The following CASP8 variants were observed in gnomAD, a reference collection of about 807,000 sequenced individuals.
CASP8 encodes caspase 8, also known as caspase-8.
A neutral mutation model predicts 46.3 loss-of-function variants in CASP8; 24 were observed. The ratio of observed to expected loss-of-function variants is 0.52; its 90% CI spans 0.38 to 0.73. CASP8 has a LOEUF of 0.73. Ranked by LOEUF, CASP8 falls within the 30% of genes least tolerant of loss-of-function variation. The probability of loss-of-function intolerance (pLI) is 0.00; values close to 1 mark genes in which losing one functional copy is unlikely to be tolerated. For missense variants in CASP8, 460 were observed against 559.0 expected (o/e 0.82, Z 1.79); for synonymous variants, 188 against 200.4 (o/e 0.94, Z 0.52).
rs372378810 is a variant in CASP8 at position 201,269,526 on chromosome 2, A to G, written c.306-1990A>G. The G allele has an allele frequency of 6.2e-6, 10 of 1,613,308 alleles. No individual in the cohort carries two copies. The highest frequency in any genetic ancestry group is 3.3e-5 in the Admixed American group (2 of 59,966). ...CCTTTGAAGGTTCCACTTCTGCCGCATGAGCTGGGCTGAAGCAAACAGCCA... is the reference window on the plus strand; with the variant it reads ...CCTTTGAAGGTTCCACTTCTGCCGCGTGAGCTGGGCTGAAGCAAACAGCCA... On this transcript the variant is annotated intron_variant, in intron 2 of 8. Transcript: ENST00000673742.
chr2:201,267,858 C>T (rs1356173255), intron 2 of CASP8, among the ~76,000 whole-genome samples: 1 of 152,166 alleles, frequency 6.6e-6, no homozygotes, highest in Non-Finnish European at 1.5e-5. Context: ...GATGGCTCAG[C>T]CCATGAATGC....
At chr2:201,247,393 G>A (rs187870950) in intron 2 of CASP8, among the ~76,000 whole-genome samples, 53 of 151,944 alleles carry the variant, frequency 3.5e-4, no homozygotes, top group Admixed American at 2.6e-4. Flanking sequence ...CCATGCTGAA[G>A]GCGCCTTCCT....
chr2:201,273,057 TC>T (rs367576379), intron 5 of CASP8, 115 bp downstream of exon 5: 49 of 786,652 alleles, frequency 6.2e-5, no homozygotes, highest in South Asian at 2.0e-4. Context: ...CTCTACTTTT[TC>T]TTTTTTTTTT....
At position 201,260,590 on chromosome 2, in the gene CASP8, A is replaced by C; in HGVS notation, c.-50A>C. On this transcript the variant is annotated 5_prime_UTR_variant, in exon 1 of 9. Transcript: ENST00000673742. ...ATGGTAGTGGATAGGCCTGTGACGAAGGTGCTACCATCGTGAGAGTAAGGT... is the reference window on the plus strand; with the variant it reads ...ATGGTAGTGGATAGGCCTGTGACGACGGTGCTACCATCGTGAGAGTAAGGT... The C allele has an allele frequency of 3.1e-6, 3 of 983,020 alleles. No homozygotes were observed. The highest frequency in any genetic ancestry group is 3.6e-6 in the Non-Finnish European group (3 of 827,702). The allele number at this position is 983,020 out of a possible 1,614,324, so 60.9% of individuals were successfully genotyped here. A position where few individuals can be genotyped will look rare whatever the true frequency, so the allele number is the denominator to read the frequency against.
At chr2:201,245,116 T>C (rs955603299) in intron 2 of CASP8, among the ~76,000 whole-genome samples, 2 of 152,218 alleles carry the variant, frequency 1.3e-5, no homozygotes, top group African/African-American at 2.4e-5. Context: ...CTTGGGCCCA[T>C]TGATGTGTGG....
Position 201,269,538 on chromosome 2 carries a change from G to T in CASP8, c.306-1978G>T, listed in dbSNP as rs758051022. 2.1e-5 allele frequency: 34 copies of T among 1,613,580 alleles called. No individual in the cohort carries two copies. Among genetic ancestry groups the T allele is most frequent in the South Asian group, 4.4e-5 (4 of 90,954 alleles). On this transcript the variant is annotated intron_variant, in intron 2 of 8. Coordinates refer to ENST00000673742, the MANE Select transcript of CASP8 (RefSeq NM_001372051.1). ...CCACTTCTGCCGCATGAGCTGGGCT[G>T]AAGCAAACAGCCAGTGCCAGACACA...
At chr2:201,259,077 TA>T (rs1213364333), upstream of CASP8, among the ~76,000 whole-genome samples, 1 of 152,238 alleles carries the variant, frequency 6.6e-6, no homozygotes, top group African/African-American at 2.4e-5. Context: ...TTGAAGGAGA[TA>T]ATACGCATAC....
intron 7 of CASP8, among the ~76,000 whole-genome samples, chr2:201,279,719 G>A (rs138625304): frequency 0.011 from 1,649 of 152,320 alleles, 13 homozygotes; most frequent in Non-Finnish European, 0.016. Flanking sequence ...TTGGGAGGCC[G>A]AGGCAGGCGA....
chr2:201,272,329 T>C lies in CASP8; in HGVS notation c.412-309T>C, dbSNP rs2125245418. Among the ~76,000 whole-genome samples, 1 of 152,264 alleles carries C rather than the reference T, an allele frequency of 6.6e-6. No individual in the cohort carries two copies. The highest frequency in any genetic ancestry group is 2.4e-5 in the African/African-American group (1 of 41,556). On this transcript the variant is annotated intron_variant, in intron 3 of 8. Coordinates refer to ENST00000673742, the MANE Select transcript of CASP8 (RefSeq NM_001372051.1). The surrounding 1 kb of genome is among the most constrained non-coding windows in gnomAD (Gnocchi z 4.4). ...CAGGGTGTCACCATGATGACCGGGCTGCTGTCTCAGGTTGTTTCACAGTCC... is the reference window on the plus strand; with the variant it reads ...CAGGGTGTCACCATGATGACCGGGCCGCTGTCTCAGGTTGTTTCACAGTCC...
At chr2:201,277,961 A>C (rs1252279953) in intron 7 of CASP8, 1 of 200,972 alleles carries the variant, frequency 5.0e-6, no homozygotes, top group Non-Finnish European at 1.0e-5. Context: ...TCGGCCTCCC[A>C]AAGTGCTGGA....
At chr2:201,243,767 A>G (rs1180015504) in intron 2 of CASP8, among the ~76,000 whole-genome samples, 2 of 152,190 alleles carry the variant, frequency 1.3e-5, no homozygotes, top group African/African-American at 4.8e-5. Flanking sequence ...TTGATAAGTT[A>G]GTTTAATACG....
chr2:201,277,131 A>C, intron 7 of CASP8, 163 bp downstream of exon 7: 1 of 558,768 alleles, frequency 1.8e-6, no homozygotes. Context: ...TACATTTATC[A>C]GTTTCCTGCT....
chr2:201,239,157 A>G (rs1946186170), intron 2 of CASP8, among the ~76,000 whole-genome samples: 1 of 152,130 alleles, frequency 6.6e-6, no homozygotes, highest in East Asian at 1.9e-4. Context: ...AAAGTCTCCC[A>G]TGTCTACCTC....
rs1409457801 is a variant in CASP8, at chr2:201,260,537, G to A, written c.-103G>A. Reference sequence around the variant, plus strand: ...GGCTGTGCCCTTCCGTCCTTCATTAGACGTTTGCTCTTGTCTTAGATGCTC... The same window carrying A: ...GGCTGTGCCCTTCCGTCCTTCATTAAACGTTTGCTCTTGTCTTAGATGCTC... On this transcript the variant is annotated 5_prime_UTR_variant, in exon 1 of 9. Transcript: ENST00000673742. The A allele has an allele frequency of 1.0e-6, 1 of 985,472 alleles. No homozygotes were observed. 61.0% of individuals were successfully genotyped at this position (985,472 alleles called of 1,614,324 possible).
chr2:201,274,511 G>C (rs1309378007), intron 5 of CASP8, among the ~76,000 whole-genome samples: 1 of 152,168 alleles, frequency 6.6e-6, no homozygotes, highest in Non-Finnish European at 1.5e-5. Context: ...GTCTCACTCT[G>C]TTGCCCAGGC....
At chr2:201,269,646 A>G in intron 2 of CASP8, 1 of 1,437,960 alleles carries the variant, frequency 7.0e-7, no homozygotes, top group Non-Finnish European at 9.7e-7. Context: ...TGGCTTAGAG[A>G]TAAAAGGGTC....
At chr2:201,244,189 T>G (rs975569321) in intron 2 of CASP8, among the ~76,000 whole-genome samples, 1 of 152,222 alleles carries the variant, frequency 6.6e-6, no homozygotes, top group Non-Finnish European at 1.5e-5. Context: ...CGTGTACAGA[T>G]TAATATGCCT....
chr2:201,236,853 G>A (rs951210677), intron 2 of CASP8, among the ~76,000 whole-genome samples: 1 of 152,202 alleles, frequency 6.6e-6, no homozygotes, highest in Non-Finnish European at 1.5e-5. Flanking sequence ...CTATCCATCT[G>A]CCTCGGCTGC....
intron 2 of CASP8, among the ~76,000 whole-genome samples, chr2:201,254,009 A>G (rs1031322862): frequency 9.3e-5 from 14 of 150,890 alleles, no homozygotes; most frequent in Non-Finnish European, 1.9e-4. Flanking sequence ...TGAACCCAGG[A>G]GGCGGAGGTT....
Sources: allele counts gnomAD v4.1 joint callset (sites outside exome capture counted in the v4.1 genomes callset), GRCh38; gene constraint gnomAD v4.1.1; non-coding constraint Gnocchi (gnomAD v3.1); transcripts MANE v1.5; gene names NCBI Gene and HGNC (gene_info 2026-07-23, HGNC 2026-07-21).